The following ENPP2 variants were observed in gnomAD, a reference collection of about 807,000 sequenced individuals.
ENPP2 encodes autotaxin.
Under a neutral mutation model 120.2 loss-of-function variants are expected in ENPP2, and 51 were observed. That is an observed-to-expected ratio of 0.42 (90% CI 0.34 to 0.54). ENPP2 has a LOEUF of 0.54. Ranked by LOEUF, ENPP2 falls within the 20% of genes least tolerant of loss-of-function variation. ENPP2 has a pLI of 0.04. For missense variants in ENPP2, 920 were observed against 1,066.5 expected (o/e 0.86, Z 1.91); for synonymous variants, 365 against 366.4 (o/e 1.00, Z 0.04).
Position 119,617,060 on chromosome 8 carries a change from C to A in ENPP2, c.657+104G>T, listed in dbSNP as rs1031415481. 2.4e-5 allele frequency: 18 copies of A among 742,316 alleles called. No homozygotes were observed. The Admixed American group carries it at 4.0e-4, about 17-fold the overall frequency. The allele number at this position is 742,316 out of a possible 1,614,324, so 46.0% of individuals were successfully genotyped here. ...TTAAGATGGAAAACAGAAAGATTTT[C>A]TTTGAACACTAAGGAACACGTTTTA... On this transcript the variant is annotated intron_variant, in intron 7 of 24. Transcript: ENST00000075322.
intron 8 of ENPP2, among the ~76,000 whole-genome samples, chr8:119,614,679 T>C (rs1286390560): frequency 1.3e-5 from 2 of 152,230 alleles, no homozygotes; most frequent in African/African-American, 4.8e-5. Flanking sequence ...ATAAAATTAC[T>C]ATTTATCTCT....
intron 19 of ENPP2, among the ~76,000 whole-genome samples, chr8:119,576,370 T>C (rs921735723): frequency 2.0e-5 from 3 of 152,148 alleles, no homozygotes; most frequent in African/African-American, 7.2e-5. Context: ...ACTCTTGACC[T>C]CAGGTGATCC....
intron 1 of ENPP2, among the ~76,000 whole-genome samples, chr8:119,672,471 A>AC (rs1818279578): frequency 6.6e-6 from 1 of 151,754 alleles, no homozygotes; most frequent in South Asian, 2.1e-4. Flanking sequence ...GAACCCTTTG[A>AC]CCCCCTCTCC....
intron 20 of ENPP2, among the ~76,000 whole-genome samples, chr8:119,569,740 A>ACCTGTGTGTGTG (rs1814801973): frequency 1.2e-5 from 1 of 80,190 alleles, no homozygotes; most frequent in Admixed American, 1.4e-4. Context: ...TAGACTATTT[A>ACCTGTGTGTGTG]TCTGTGTGTG....
intron 3 of ENPP2, among the ~76,000 whole-genome samples, chr8:119,623,893 T>C (rs1816088767): frequency 6.6e-6 from 1 of 152,228 alleles, no homozygotes; most frequent in South Asian, 2.1e-4. Flanking sequence ...CCCAAAGTGC[T>C]GAGATTACAG....
chr8:119,613,782 C>G (rs116698711), intron 8 of ENPP2, among the ~76,000 whole-genome samples: 2 of 151,904 alleles, frequency 1.3e-5, no homozygotes, highest in Non-Finnish European at 2.9e-5. Flanking sequence ...TTATGGGATA[C>G]AGTGTGATGT....
At chr8:119,622,364 G>A (rs1030968593) in intron 3 of ENPP2, among the ~76,000 whole-genome samples, 8 of 152,164 alleles carry the variant, frequency 5.3e-5, no homozygotes, top group Non-Finnish European at 1.0e-4. Context: ...TACAATGTTT[G>A]CTCAAGATTC....
chr8:119,588,830 T>C lies in ENPP2; in HGVS notation c.1207+1675A>G, dbSNP rs937334646. On this transcript the variant is annotated intron_variant, in intron 13 of 24. Coordinates refer to ENST00000075322, the MANE Select transcript of ENPP2 (RefSeq NM_001040092.3). ...GAATATCCAATGCCTGAGTCCATAC[T>C]GGGGACATCAATCCTTCAATTCTGA... 3.9e-5 allele frequency among the ~76,000 whole-genome samples: 6 copies of C among 152,326 alleles called. No individual in the cohort carries two copies. In the East Asian group the frequency reaches 1.2e-3, roughly 29 times the overall value.
At chr8:119,560,730 T>C (rs1424185859) in intron 24 of ENPP2, among the ~76,000 whole-genome samples, 1 of 152,202 alleles carries the variant, frequency 6.6e-6, no homozygotes, top group Non-Finnish European at 1.5e-5. Flanking sequence ...GGTTCTACTA[T>C]GGAAGTCTGA....
At chr8:119,614,701 G>A (rs570891314) in intron 8 of ENPP2, among the ~76,000 whole-genome samples, 1 of 152,104 alleles carries the variant, frequency 6.6e-6, no homozygotes, top group Non-Finnish European at 1.5e-5. Flanking sequence ...ATCCTTTAAG[G>A]TTCTTCAGGT....
At chr8:119,634,196 ATACATAC>A (rs1816860123) in intron 2 of ENPP2, among the ~76,000 whole-genome samples, 5 of 80,128 alleles carry the variant, frequency 6.2e-5, no homozygotes, top group Non-Finnish European at 1.3e-4. Flanking sequence ...AAATAAATAC[ATACATAC>A]ATACATACAT....
At chr8:119,608,152 C>T (rs1236932688) in intron 8 of ENPP2, among the ~76,000 whole-genome samples, 175 bp from the exon 9 acceptor site, 2 of 152,228 alleles carry the variant, frequency 1.3e-5, no homozygotes, top group African/African-American at 2.4e-5. Context: ...ATTATTTCCA[C>T]AAATGTTATT....
intron 19 of ENPP2, among the ~76,000 whole-genome samples, chr8:119,573,938 A>T (rs1398197585): frequency 1.3e-5 from 2 of 152,068 alleles, no homozygotes; most frequent in Non-Finnish European, 2.9e-5. Context: ...ATTATTACTG[A>T]GCAAAAATAG....
At chr8:119,594,446 T>C (rs1377661545) in intron 11 of ENPP2, among the ~76,000 whole-genome samples, 2 of 152,252 alleles carry the variant, frequency 1.3e-5, no homozygotes, top group African/African-American at 2.4e-5. Flanking sequence ...TTAGTTCTTT[T>C]AAAGCTGATT....
In ENPP2 at chr8:119,617,201, G is replaced by A; in HGVS notation, c.620C>T (p.Pro207Leu). 6.2e-7 allele frequency: 1 copy of A among 1,613,620 alleles called. No homozygotes were observed. The highest frequency in any genetic ancestry group is 2.2e-5 in the East Asian group (1 of 44,850). The change falls in exon 7 of 25, where the codon CCA (proline) becomes CTA (leucine). Residue 207 changes from proline to leucine, a missense_variant. Pro to Leu is a moderately conservative substitution (Grantham distance 98). Transcript: ENST00000075322. ...THSPYMRPVYPTKTFPNLYTL... is the reference protein window; with the variant it reads ...THSPYMRPVYLTKTFPNLYTL... ...GTATAAGTTAGGAAAGGTTTTAGTT[G>A]GGTACACCGGCCTCATGTAGGGAGA...
intron 19 of ENPP2, chr8:119,572,303 T>C: frequency 7.5e-7 from 1 of 1,327,572 alleles, no homozygotes; most frequent in South Asian, 1.3e-5. Context: ...TTTCATCATT[T>C]AAGTTTTCAT....
chr8:119,583,591 AC>A (rs1812899000), intron 17 of ENPP2, 125 bp downstream of exon 17: 1 of 612,580 alleles, frequency 1.6e-6, no homozygotes, highest in Admixed American at 3.0e-5. Context: ...GCAAGTTACA[AC>A]CTTTTGTGGG....
At chr8:119,565,443 C>T (rs1587328180) in intron 22 of ENPP2, among the ~76,000 whole-genome samples, 1 of 152,144 alleles carries the variant, frequency 6.6e-6, no homozygotes, top group Non-Finnish European at 1.5e-5. Flanking sequence ...AACCACCTAC[C>T]TCCTAATGCA....
At chr8:119,625,908 C>G (rs1396854808) in intron 3 of ENPP2, among the ~76,000 whole-genome samples, 1 of 152,140 alleles carries the variant, frequency 6.6e-6, no homozygotes, top group South Asian at 2.1e-4. Flanking sequence ...GATTTTAGAG[C>G]TACCCAGAGC....
Sources: gnomAD v4.1 joint callset for allele counts (sites outside exome capture counted in the v4.1 genomes callset) on GRCh38, gnomAD v4.1.1 for gene constraint, MANE v1.5 for transcripts, NCBI Gene and HGNC (gene_info 2026-07-23, HGNC 2026-07-21) for gene names.